SH3D21: variants seen among roughly 807,000 people sequenced by gnomAD.
SH3D21 encodes manchette microtubule inner protein 1.
Under a neutral mutation model 82.1 loss-of-function variants are expected in SH3D21, and 83 were observed. The observed-to-expected ratio is 1.01, with a 90% CI of 0.85 to 1.21. The LOEUF is 1.21. SH3D21 is among the 50% of genes most tolerant of loss of function. The probability of loss-of-function intolerance (pLI) is 0.00; values close to 1 mark genes in which losing one functional copy is unlikely to be tolerated. For synonymous variants in SH3D21, 383 were observed against 387.8 expected, an observed-to-expected ratio of 0.99 and a Z score of 0.15; for missense variants, 980 against 962.1, an observed-to-expected ratio of 1.02 and a Z score of -0.25.
In SH3D21 at chr1:36,307,842, T is replaced by C; in HGVS notation, c.492+17T>C. 1 of 1,551,600 alleles carries C rather than the reference T, an allele frequency of 6.4e-7. No homozygotes were observed. Among genetic ancestry groups the C allele is most frequent in the Non-Finnish European group, 8.7e-7 (1 of 1,147,000 alleles). Reference sequence around the variant, plus strand: ...CCTCCCAAGGTAAGTTGGCTCAGAGTAGGCACAGAGGTGGTGAGTTCCTCT... The same window carrying C: ...CCTCCCAAGGTAAGTTGGCTCAGAGCAGGCACAGAGGTGGTGAGTTCCTCT... On this transcript the variant is annotated intron_variant, in intron 6 of 15. Coordinates refer to ENST00000453908, the MANE Select transcript of SH3D21 (RefSeq NM_001162530.2). The surrounding 1 kb of genome is among the most constrained non-coding windows in gnomAD (Gnocchi z 5.4).
chr1:36,327,294 A>C (rs904345750), downstream of SH3D21, among the ~76,000 whole-genome samples: 4 of 152,238 alleles, frequency 2.6e-5, no homozygotes, highest in Non-Finnish European at 5.9e-5. Context: ...CTGTTTGCAC[A>C]GGTAGCTTAT....
chr1:36,325,292 A>G (rs1353861179), downstream of SH3D21, among the ~76,000 whole-genome samples: 1 of 152,186 alleles, frequency 6.6e-6, no homozygotes, highest in African/African-American at 2.4e-5. Context: ...TCAGCCTCCC[A>G]AAGTGCTGGG....
chr1:36,323,341 A>T, downstream of SH3D21: 1 of 365,468 alleles, frequency 2.7e-6, no homozygotes, highest in Non-Finnish European at 5.0e-6. Flanking sequence ...CCGGGGCGGG[A>T]TGGAGGATAG....
chr1:36,327,812 A>C (rs2124713066), downstream of SH3D21: 1 of 1,281,878 alleles, frequency 7.8e-7, no homozygotes, highest in Non-Finnish European at 1.0e-6. Context: ...GCCCTGGGGA[A>C]GGTCCCTGAA....
In SH3D21 at chr1:36,307,432, C is replaced by T. The variant is rs576250511; in HGVS notation, c.346-85C>T. The stretch of plus-strand genomic sequence containing the variant: ...CGGGAGGGAAGGAGGGAGGAAGGGG[C>T]GCTTGGGCAGAACCAAGGGTGGCAG... On this transcript the variant is annotated intron_variant, in intron 4 of 15. Transcript: ENST00000453908. The surrounding 1 kb of genome is among the most constrained non-coding windows in gnomAD (Gnocchi z 5.4). 10 of 1,509,592 alleles carry T rather than the reference C, an allele frequency of 6.6e-6. No homozygotes were observed. In the South Asian group the frequency reaches 8.7e-5, roughly 13 times the overall value. 93.5% of individuals were successfully genotyped at this position (1,509,592 alleles called of 1,614,324 possible). A position where few individuals can be genotyped will look rare whatever the true frequency, so the allele number is the denominator to read the frequency against.
rs1646398235 is a variant in SH3D21, at chr1:36,319,183, T to C, written c.863+19T>C. ...AAGCCAAGTAAGGAGCAGGATGGGG[T>C]TGGGGGAAGGAGGAGGGTAGGAGGC... is the stretch of plus-strand genomic sequence containing the variant. On this transcript the variant is annotated intron_variant, in intron 11 of 15. Transcript: ENST00000453908. 1 of 1,549,128 alleles carries C rather than the reference T, an allele frequency of 6.5e-7. No homozygotes were observed. Among genetic ancestry groups the C allele is most frequent in the Non-Finnish European group, 8.7e-7 (1 of 1,145,382 alleles).
chr1:36,325,763 C>T (rs1481253837), downstream of SH3D21, among the ~76,000 whole-genome samples: 2 of 152,088 alleles, frequency 1.3e-5, no homozygotes, highest in Non-Finnish European at 2.9e-5. Context: ...CCAGGATGGT[C>T]TCGATCTGCT....
downstream of SH3D21, chr1:36,323,131 G>A (rs1646496681): frequency 1.4e-6 from 2 of 1,396,722 alleles, no homozygotes; most frequent in Non-Finnish European, 1.9e-6. Flanking sequence ...CCTTCCGCGG[G>A]CAGCTCCTCT....
In SH3D21 at chr1:36,307,418, G is replaced by C; in HGVS notation, c.346-99G>C. Reference sequence around the variant, plus strand: ...GATACGGGGAAGCGCGGGAGGGAAGGAGGGAGGAAGGGGCGCTTGGGCAGA... The same window carrying C: ...GATACGGGGAAGCGCGGGAGGGAAGCAGGGAGGAAGGGGCGCTTGGGCAGA... On this transcript the variant is annotated intron_variant, in intron 4 of 15. Transcript: ENST00000453908. The surrounding 1 kb of genome is among the most constrained non-coding windows in gnomAD (Gnocchi z 5.4). 6.6e-7 allele frequency: 1 copy of C among 1,505,884 alleles called. No homozygotes were observed. Among genetic ancestry groups the C allele is most frequent in the Non-Finnish European group, 9.0e-7 (1 of 1,111,834 alleles). 93.3% of individuals were successfully genotyped at this position (1,505,884 alleles called of 1,614,324 possible). A position where few individuals can be genotyped will look rare whatever the true frequency, so the allele number is the denominator to read the frequency against.
chr1:36,306,902 C>T lies in SH3D21; in HGVS notation c.223C>T (p.Arg75Ter), dbSNP rs1426366839. 3.8e-6 allele frequency: 5 copies of T among 1,320,848 alleles called. No individual in the cohort carries two copies. 81.8% of individuals were successfully genotyped at this position (1,320,848 alleles called of 1,614,324 possible). A position where few individuals can be genotyped will look rare whatever the true frequency, so the allele number is the denominator to read the frequency against. The change falls in exon 3 of 16, where the codon CGA becomes TGA. Residue 75 changes from arginine (R) to a stop codon, truncating the protein, a stop_gained. Transcript: ENST00000453908. LOFTEE classifies it high-confidence loss of function. The surrounding 1 kb of genome is among the most constrained non-coding windows in gnomAD (Gnocchi z 4.5). ...GCGGAGGCCGCGCTGTGCGCGCCGC[C>T]GAGGTGAGCGCAAGGGCGGGGACGG... ...EARRPRCARR[R>*]GHPAKHPRPQ...
At chr1:36,323,529 C>G (rs1271343111), downstream of SH3D21, 1 of 152,108 alleles carries the variant, frequency 6.6e-6, no homozygotes, top group African/African-American at 2.4e-5. Context: ...GTCCGGCCGC[C>G]CCCGCCCGCT....
At chr1:36,322,916 G>A, downstream of SH3D21, 1 of 1,590,714 alleles carries the variant, frequency 6.3e-7, no homozygotes, top group Middle Eastern at 1.7e-4. Context: ...GGGAGGGAAG[G>A]GGATGGTGGT....
rs1228152533 is a variant in SH3D21 at position 36,307,280 on chromosome 1, A to C, written c.340A>C (p.Lys114Gln). ...AGCTGGGGAGATCGTGGAAATGATA[A>C]AGGAGGTGAGGGGTGAGGTGATGGG... The part of the protein sequence containing the change: ...LQAGEIVEMI[K>Q]EIEDGWWLGK... The change falls in exon 4 of 16, where the codon AAG becomes CAG. Residue 114 changes from lysine to glutamine, a missense_variant. By Grantham distance (53) the Lys-to-Gln change is moderately conservative. Coordinates refer to ENST00000453908, the MANE Select transcript of SH3D21 (RefSeq NM_001162530.2). The surrounding 1 kb of genome is among the most constrained non-coding windows in gnomAD (Gnocchi z 5.4). The C allele has an allele frequency of 6.4e-7, 1 of 1,551,806 alleles. No homozygotes were observed. Among genetic ancestry groups the C allele is most frequent in the South Asian group, 1.2e-5 (1 of 84,062 alleles).
downstream of SH3D21, chr1:36,323,651 A>ACGGGGCGGGG (rs924738627): frequency 2.0e-5 from 3 of 151,336 alleles, no homozygotes; most frequent in African/African-American, 4.9e-5. Context: ...AAGAGGAGGG[A>ACGGGGCGGGG]CGGGGCGGGG....
At chr1:36,322,697 G>A (rs1453634251), downstream of SH3D21, 2 of 1,547,310 alleles carry the variant, frequency 1.3e-6, no homozygotes, top group African/African-American at 1.4e-5. Context: ...CGCCCAGCAC[G>A]AAGTAGAGGC....
At chr1:36,329,501 C>A (rs894849829), downstream of SH3D21, among the ~76,000 whole-genome samples, 2 of 152,212 alleles carry the variant, frequency 1.3e-5, no homozygotes, top group African/African-American at 2.4e-5. Context: ...GATGTAGAAT[C>A]TGCCTTCCTT....
At chr1:36,321,647 C>T (rs1646466030), downstream of SH3D21, 1 of 1,012,044 alleles carries the variant, frequency 9.9e-7, no homozygotes, top group Non-Finnish European at 1.2e-6. The surrounding 1 kb of genome is among the most constrained non-coding windows in gnomAD (Gnocchi z 6.1). Context: ...AGCCCAAGCA[C>T]GCATGCTTAC....
At chr1:36,308,041 G>A in intron 7 of SH3D21, 68 bp from the exon 8 acceptor site, 1 of 1,549,424 alleles carries the variant, frequency 6.5e-7, no homozygotes, top group Non-Finnish European at 8.7e-7. Context: ...CTAGGCTGAT[G>A]GAGGTGGGGG....
rs1646395829 is a variant in SH3D21, at chr1:36,319,068, C to CTCCTATTAAGCTTCCTATTA, written c.770-3_770-2insTCCTATTAAGCTTCCTATTA. 6.5e-7 allele frequency: 1 copy of CTCCTATTAAGCTTCCTATTA among 1,528,564 alleles called. No individual in the cohort carries two copies. The highest frequency in any genetic ancestry group is 1.4e-5 in the African/African-American group (1 of 72,444). The allele number at this position is 1,528,564 out of a possible 1,614,324, so 94.7% of individuals were successfully genotyped here. On this transcript the variant is annotated splice_region_variant and splice_polypyrimidine_tract_variant and intron_variant, in intron 10 of 15. Coordinates refer to ENST00000453908, the MANE Select transcript of SH3D21 (RefSeq NM_001162530.2). ...GATGAGTGCTCCACTCCTCTCTTCC[C>CTCCTATTAAGCTTCCTATTA]AGCTCCTATTAAGGAACCAAAAAAG...
Sources: allele counts gnomAD v4.1 joint callset (sites outside exome capture counted in the v4.1 genomes callset), GRCh38; gene constraint gnomAD v4.1.1; non-coding constraint Gnocchi (gnomAD v3.1); transcripts MANE v1.5; gene names NCBI Gene and HGNC (gene_info 2026-07-23, HGNC 2026-07-21).